Variants in ANO6 observed in about 807,000 individuals in gnomAD.
ANO6 encodes the protein anoctamin 6.
Under a neutral mutation model 117.5 loss-of-function variants are expected in ANO6, and 106 were observed. That is an observed-to-expected ratio of 0.90 (90% CI 0.77 to 1.06). ANO6 has a LOEUF of 1.06. Ranked by LOEUF, ANO6 falls within the 50% of genes least tolerant of loss-of-function variation. The probability of loss-of-function intolerance (pLI) is 0.00; values close to 1 mark genes in which losing one functional copy is unlikely to be tolerated. For synonymous variants in ANO6, 367 were observed against 385.1 expected (o/e 0.95, Z 0.55); for missense variants, 955 against 1,121.1 (o/e 0.85, Z 2.12).
rs1449725200 is a variant in ANO6, at chr12:45,440,032, C to T, written c.*94C>T. 6 of 1,245,426 alleles carry T rather than the reference C, an allele frequency of 4.8e-6. No homozygotes were observed. The African/African-American group carries it at 7.7e-5, about 16-fold the overall frequency. 77.1% of individuals were successfully genotyped at this position (1,245,426 alleles called of 1,614,324 possible). ...CAAGATAGAGTAGCATTGTTTGGCTCATTAATATTCCAATACTGGCATTTA... is the reference window on the plus strand; with the variant it reads ...CAAGATAGAGTAGCATTGTTTGGCTTATTAATATTCCAATACTGGCATTTA... On this transcript the variant is annotated 3_prime_UTR_variant, in exon 20 of 20. Coordinates refer to the ANO6 transcript ENST00000425752.
At chr12:45,265,997 C>G (rs1241237521) in intron 1 of ANO6, among the ~76,000 whole-genome samples, 1 of 152,224 alleles carries the variant, frequency 6.6e-6, no homozygotes. Flanking sequence ...ACATAAATCA[C>G]TTCTCCTTAG....
chr12:45,243,618 C>T (rs368801576), intron 1 of ANO6, among the ~76,000 whole-genome samples: 100 of 151,740 alleles, frequency 6.6e-4, no homozygotes, highest in African/African-American at 2.3e-3. Context: ...GGCACAATCT[C>T]GGCTCACTGC....
chr12:45,261,388 G>A lies in ANO6; in HGVS notation c.71-40626G>A, dbSNP rs151195059. 1.1e-4 allele frequency among the ~76,000 whole-genome samples: 16 copies of A among 152,302 alleles called. No individual in the cohort carries two copies. The East Asian group carries it at 2.9e-3, about 28-fold the overall frequency. ...GGACACTTGATCTAAAGAGGGGAAA[G>A]GAAGGAAATTAATGATATTGATTGG... is the stretch of plus-strand genomic sequence containing the variant. On this transcript the variant is annotated intron_variant, in intron 1 of 19. Coordinates refer to ENST00000320560, the MANE Select transcript of ANO6 (RefSeq NM_001025356.3).
In ANO6 at chr12:45,401,787, G is replaced by A. The variant is rs763325792; in HGVS notation, c.1387-8G>A. On this transcript the variant is annotated splice_region_variant and splice_polypyrimidine_tract_variant and intron_variant, in intron 12 of 19. Coordinates refer to ENST00000320560, the MANE Select transcript of ANO6 (RefSeq NM_001025356.3). ...AGTCTCATGCTACTGTGTTTGTTGT[G>A]CTTTCAGATCCTATTGATCATCGCT... 6.2e-7 allele frequency: 1 copy of A among 1,609,788 alleles called. No homozygotes were observed. Among genetic ancestry groups the A allele is most frequent in the South Asian group, 1.1e-5 (1 of 90,946 alleles).
chr12:45,375,089 G>A (rs1214274484), intron 9 of ANO6, among the ~76,000 whole-genome samples: 3 of 151,982 alleles, frequency 2.0e-5, no homozygotes, highest in Non-Finnish European at 4.4e-5. Context: ...AATCATGAGT[G>A]AACTCCCATT....
rs1415963365 is a variant in ANO6, at chr12:45,430,834, C to G, written c.*1523C>G. ...AGACAGGGAGCCAGGCCCTCTCACC[C>G]CTACTGGTAACAGGTCATTGCTGGG... On this transcript the variant is annotated 3_prime_UTR_variant, in exon 20 of 20. Transcript: ENST00000320560. 6 of 985,460 alleles carry G rather than the reference C, an allele frequency of 6.1e-6. No homozygotes were observed. The highest frequency in any genetic ancestry group is 7.2e-6 in the Non-Finnish European group (6 of 830,000). 61.0% of individuals were successfully genotyped at this position (985,460 alleles called of 1,614,324 possible). A position where few individuals can be genotyped will look rare whatever the true frequency, so the allele number is the denominator to read the frequency against.
chr12:45,291,001 C>A (rs1939074966), intron 1 of ANO6, among the ~76,000 whole-genome samples: 1 of 152,136 alleles, frequency 6.6e-6, no homozygotes. Flanking sequence ...AATGGCCCAA[C>A]TGGTTTTTGA....
chr12:45,399,771 C>A (rs542181832), intron 12 of ANO6, among the ~76,000 whole-genome samples: 23 of 152,292 alleles, frequency 1.5e-4, no homozygotes, highest in African/African-American at 4.6e-4. Flanking sequence ...GGATGGAGAA[C>A]AGACCCAGGC....
At chr12:45,356,103 A>G (rs1221721845) in intron 7 of ANO6, among the ~76,000 whole-genome samples, 1 of 152,146 alleles carries the variant, frequency 6.6e-6, no homozygotes. Flanking sequence ...CAATTTTGGC[A>G]CTGCTTCTTG....
At position 45,416,779 on chromosome 12, in the gene ANO6, G is replaced by A. The variant is rs1365901857; in HGVS notation, c.2092G>A (p.Glu698Lys). 1 of 1,614,082 alleles carries A rather than the reference G, an allele frequency of 6.2e-7. No homozygotes were observed. The highest frequency in any genetic ancestry group is 8.5e-7 in the Non-Finnish European group (1 of 1,180,010). ...PLLALVNNIL[E>K]IRVDAWKLTT... ...GTTGGCTCTCGTGAACAATATATTG[G>A]AAATAAGAGTGGACGCATGGAAACT... Residue 698 changes from glutamate to lysine, a missense_variant, in exon 17 of 20, where the codon GAA becomes AAA. Coordinates refer to ENST00000320560, the MANE Select transcript of ANO6 (RefSeq NM_001025356.3).
chr12:45,435,907 A>G (rs1427785806), downstream of ANO6, among the ~76,000 whole-genome samples: 3 of 152,210 alleles, frequency 2.0e-5, no homozygotes, highest in Non-Finnish European at 4.4e-5. Flanking sequence ...ATACAAATGG[A>G]CAATGGCCAG....
chr12:45,413,486 C>A (rs1943137798), intron 16 of ANO6, among the ~76,000 whole-genome samples: 1 of 152,182 alleles, frequency 6.6e-6, no homozygotes, highest in African/African-American at 2.4e-5. Context: ...TTGGACACAA[C>A]AGTCAGGAGC....
chr12:45,349,585 T>A (rs528451348), intron 6 of ANO6, among the ~76,000 whole-genome samples: 1 of 149,824 alleles, frequency 6.7e-6, no homozygotes, highest in Non-Finnish European at 1.5e-5. Context: ...CCAAAGAAAG[T>A]AAAGACTGAG....
chr12:45,239,794 C>T (rs936856979), intron 1 of ANO6, among the ~76,000 whole-genome samples: 77 of 152,112 alleles, frequency 5.1e-4, no homozygotes, highest in African/African-American at 1.6e-3. Flanking sequence ...CCCAGTAATT[C>T]AGGAGCAGGT....
At chr12:45,301,593 G>C (rs1939489906) in intron 1 of ANO6, among the ~76,000 whole-genome samples, 1 of 150,968 alleles carries the variant, frequency 6.6e-6, no homozygotes. Context: ...CTCCAGCCTG[G>C]GTGACAGAGT....
At chr12:45,364,790 T>G (rs565348160) in intron 8 of ANO6, among the ~76,000 whole-genome samples, 21 of 152,272 alleles carry the variant, frequency 1.4e-4, no homozygotes, top group Non-Finnish European at 2.9e-4. Context: ...AGGGACAGTT[T>G]TACTGACTGC....
At chr12:45,336,883 G>A (rs542315776) in intron 3 of ANO6, among the ~76,000 whole-genome samples, 1 of 152,150 alleles carries the variant, frequency 6.6e-6, no homozygotes, top group East Asian at 1.9e-4. Context: ...GGAGATGACA[G>A]CTCTATTTCT....
chr12:45,409,230 T>C, intron 15 of ANO6, 127 bp from the exon 16 acceptor site: 1 of 1,258,182 alleles, frequency 7.9e-7, no homozygotes, highest in Non-Finnish European at 1.1e-6. Context: ...AAAACAAATT[T>C]AGCATGCAAA....
chr12:45,394,456 A>G (rs1942552093), intron 12 of ANO6, among the ~76,000 whole-genome samples: 3 of 152,202 alleles, frequency 2.0e-5, no homozygotes, highest in African/African-American at 7.2e-5. Flanking sequence ...GTTAACAAGG[A>G]TATCCAGGAC....
Sources: gnomAD v4.1 joint callset for allele counts (sites outside exome capture counted in the v4.1 genomes callset) on GRCh38, gnomAD v4.1.1 for gene constraint, MANE v1.5 for transcripts, NCBI Gene and HGNC (gene_info 2026-07-23, HGNC 2026-07-21) for gene names.